TDRD3: variants seen among roughly 807,000 people sequenced by gnomAD.
The protein encoded by TDRD3 is tudor domain containing 3.
A neutral mutation model predicts 86.7 loss-of-function variants in TDRD3; 45 were observed. That is an observed-to-expected ratio of 0.52 (90% CI 0.41 to 0.67). The LOEUF (loss-of-function observed/expected upper bound fraction) is 0.67. Ranked by LOEUF, TDRD3 falls within the 30% of genes least tolerant of loss-of-function variation. The pLI, the probability that TDRD3 is intolerant of heterozygous loss-of-function variation, is 0.00. For synonymous variants in TDRD3, 298 were observed against 301.7 expected, an observed-to-expected ratio of 0.99 and a Z score of 0.13; for missense variants, 814 against 889.0, an observed-to-expected ratio of 0.92 and a Z score of 1.07.
At chr13:60,468,324 G>GT (rs948850596) in intron 5 of TDRD3, among the ~76,000 whole-genome samples, 3 of 151,996 alleles carry the variant, frequency 2.0e-5, no homozygotes, top group Non-Finnish European at 4.4e-5. Flanking sequence ...TATTCATCTT[G>GT]TTTTTTCTCT....
At chr13:60,547,032 GA>G (rs796540704) in intron 12 of TDRD3, among the ~76,000 whole-genome samples, 31 of 151,690 alleles carry the variant, frequency 2.0e-4, no homozygotes, top group African/African-American at 6.8e-4. Flanking sequence ...TGTCTAGATT[GA>G]AAAAAAATAA....
intron 12 of TDRD3, among the ~76,000 whole-genome samples, chr13:60,556,136 G>A (rs1014026920): frequency 5.3e-5 from 8 of 152,128 alleles, no homozygotes; most frequent in Non-Finnish European, 7.4e-5. Flanking sequence ...GTGAGCCACC[G>A]CACCCGGCCC....
chr13:60,527,806 A>G (rs1050844765), intron 10 of TDRD3, among the ~76,000 whole-genome samples: 1 of 150,538 alleles, frequency 6.6e-6, no homozygotes, highest in Non-Finnish European at 1.5e-5. Context: ...ACCCTTTTGT[A>G]TAGTAGGATA....
intron 12 of TDRD3, among the ~76,000 whole-genome samples, chr13:60,552,345 C>T (rs1424109581): frequency 1.3e-5 from 2 of 152,262 alleles, no homozygotes; most frequent in South Asian, 4.1e-4. Flanking sequence ...TGAAATTTTA[C>T]AGCTCCAAAA....
At chr13:60,424,753 T>C (rs1010387321) in intron 1 of TDRD3, among the ~76,000 whole-genome samples, 1 of 152,216 alleles carries the variant, frequency 6.6e-6, no homozygotes, top group African/African-American at 2.4e-5. Context: ...ATCACTACTA[T>C]CTAATTCAAG....
intron 1 of TDRD3, among the ~76,000 whole-genome samples, chr13:60,414,189 C>T (rs1307743164): frequency 6.6e-6 from 1 of 151,930 alleles, no homozygotes; most frequent in African/African-American, 2.4e-5. Flanking sequence ...AGTCCAGATA[C>T]ATTTTTTTTG....
chr13:60,466,724 G>A (rs991387887), intron 4 of TDRD3, among the ~76,000 whole-genome samples: 2 of 151,920 alleles, frequency 1.3e-5, no homozygotes, highest in African/African-American at 4.8e-5. Context: ...GGAGACAGAG[G>A]TTTCAGTGAG....
At chr13:60,529,818 G>C (rs1167635471) in intron 11 of TDRD3, among the ~76,000 whole-genome samples, 1 of 152,112 alleles carries the variant, frequency 6.6e-6, no homozygotes, top group African/African-American at 2.4e-5. Context: ...GTAGGGGAAA[G>C]AAGGAAGGAA....
At chr13:60,566,999 C>G (rs1022148074) in intron 12 of TDRD3, among the ~76,000 whole-genome samples, 2 of 152,104 alleles carry the variant, frequency 1.3e-5, no homozygotes, top group African/African-American at 4.8e-5. Flanking sequence ...TTTTCTGTCT[C>G]TAGATGTAAG....
chr13:60,431,395 A>G (rs947734532), intron 1 of TDRD3, among the ~76,000 whole-genome samples: 2 of 151,984 alleles, frequency 1.3e-5, no homozygotes, highest in African/African-American at 4.8e-5. Context: ...TCTAGGTTTA[A>G]CTTTTCAGAA....
At position 60,534,839 on chromosome 13, in the gene TDRD3, G is replaced by T. The variant is rs577856863; in HGVS notation, c.1993-269G>T. Among the ~76,000 whole-genome samples the T allele has an allele frequency of 3.3e-5, 5 of 149,630 alleles. No individual in the cohort carries two copies. The South Asian group carries it at 1.1e-3, about 32-fold the overall frequency. On this transcript the variant is annotated intron_variant, in intron 11 of 13. Coordinates refer to ENST00000377881, the MANE Select transcript of TDRD3 (RefSeq NM_001146070.2). ...GCTTCTCAAGAGGTTGAGATGGGAG[G>T]ATCGCTTGGGCTGGGGAGGCGGAGG... is the stretch of plus-strand genomic sequence containing the variant.
chr13:60,479,046 A>G (rs1956258276), intron 5 of TDRD3, among the ~76,000 whole-genome samples: 1 of 151,892 alleles, frequency 6.6e-6, no homozygotes, highest in Admixed American at 6.6e-5. Context: ...ACCTCAAGTG[A>G]TCTGACTGCC....
chr13:60,476,388 C>T (rs907131374), intron 5 of TDRD3, among the ~76,000 whole-genome samples: 2 of 152,036 alleles, frequency 1.3e-5, no homozygotes, highest in African/African-American at 4.8e-5. Context: ...TTATCCTGTT[C>T]CATTGGTCCG....
chr13:60,414,202 A>G (rs1954436982), intron 1 of TDRD3, among the ~76,000 whole-genome samples: 1 of 152,106 alleles, frequency 6.6e-6, no homozygotes, highest in Non-Finnish European at 1.5e-5. Flanking sequence ...TTTTTTTGAG[A>G]GAAGGACATG....
chr13:60,449,306 AT>A (rs1293040420), intron 3 of TDRD3, among the ~76,000 whole-genome samples: 1 of 152,148 alleles, frequency 6.6e-6, no homozygotes, highest in Non-Finnish European at 1.5e-5. Flanking sequence ...ATCTACTTGT[AT>A]TAGAAAAAAT....
chr13:60,432,226 A>C (rs922338131), intron 1 of TDRD3, among the ~76,000 whole-genome samples: 1 of 152,080 alleles, frequency 6.6e-6, no homozygotes, highest in Non-Finnish European at 1.5e-5. Context: ...CATGGAATTC[A>C]TGGATTCATT....
intron 1 of TDRD3, among the ~76,000 whole-genome samples, chr13:60,417,779 A>T (rs985604513): frequency 1.3e-5 from 2 of 152,108 alleles, no homozygotes; most frequent in Admixed American, 1.3e-4. Context: ...CATGCCTTTC[A>T]CTGTACTTCT....
At chr13:60,439,871 G>T (rs1186314775) in intron 2 of TDRD3, 99 bp downstream of exon 2, 3 of 686,908 alleles carry the variant, frequency 4.4e-6, no homozygotes, top group Non-Finnish European at 6.8e-6. Flanking sequence ...CAAATATAGA[G>T]AACATCTTTC....
intron 10 of TDRD3, among the ~76,000 whole-genome samples, chr13:60,518,474 A>T (rs1368022954): frequency 3.3e-5 from 5 of 152,326 alleles, no homozygotes; most frequent in African/African-American, 1.2e-4. Context: ...TAACTGTAGT[A>T]TTGGGGAAAA....
Sources: allele counts gnomAD v4.1 joint callset (sites outside exome capture counted in the v4.1 genomes callset), GRCh38; gene constraint gnomAD v4.1.1; transcripts MANE v1.5; gene names NCBI Gene and HGNC (gene_info 2026-07-23, HGNC 2026-07-21).